ZNF280D: variants seen among roughly 807,000 people sequenced by gnomAD.
The protein encoded by ZNF280D is suppressor of hairy wing homolog 4.
Under a neutral mutation model 94.7 loss-of-function variants are expected in ZNF280D, and 39 were observed. The ratio of observed to expected loss-of-function variants is 0.41; its 90% CI spans 0.32 to 0.54. The LOEUF (loss-of-function observed/expected upper bound fraction) is 0.54. ZNF280D is among the 20% of genes least tolerant of loss of function. The pLI is 0.22. For missense variants in ZNF280D, 1,090 were observed against 1,149.3 expected, an observed-to-expected ratio of 0.95 and a Z score of 0.75; for synonymous variants, 398 against 377.6, an observed-to-expected ratio of 1.05 and a Z score of -0.63.
At chr15:56,669,914 T>TA (rs1491162228) in intron 13 of ZNF280D, among the ~76,000 whole-genome samples, 1 of 2,678 alleles carries the variant, frequency 3.7e-4, no homozygotes, top group Non-Finnish European at 7.3e-4. Context: ...TATATATATA[T>TA]TATATATATA....
chr15:56,725,066 G>C (rs2058565316), intron 1 of ZNF280D: 1 of 290,160 alleles, frequency 3.4e-6, no homozygotes, highest in Admixed American at 4.2e-5. Context: ...AAAACCCCCA[G>C]GCCTCTCTCA....
At chr15:56,716,882 C>T (rs2141354860) in intron 1 of ZNF280D, among the ~76,000 whole-genome samples, 1 of 152,272 alleles carries the variant, frequency 6.6e-6, no homozygotes, top group East Asian at 1.9e-4. Context: ...GCATAATTCA[C>T]ACAATATCAT....
chr15:56,730,877 A>C (rs1191243270), intron 1 of ZNF280D, among the ~76,000 whole-genome samples: 2 of 152,212 alleles, frequency 1.3e-5, no homozygotes, highest in African/African-American at 2.4e-5. Flanking sequence ...ATATCACACC[A>C]CAAATGACTT....
intron 6 of ZNF280D, among the ~76,000 whole-genome samples, chr15:56,697,335 C>A (rs1309445849): frequency 1.3e-5 from 2 of 152,290 alleles, no homozygotes; most frequent in African/African-American, 2.4e-5. Flanking sequence ...CAGGCGCCCA[C>A]CACCATGCCC....
chr15:56,676,290 C>A (rs1400712026), intron 13 of ZNF280D, among the ~76,000 whole-genome samples: 1 of 151,392 alleles, frequency 6.6e-6, no homozygotes, highest in Admixed American at 6.6e-5. Context: ...AATCCTCAGT[C>A]TTTTCTTCCT....
At chr15:56,692,335 C>T (rs907669304) in intron 7 of ZNF280D, among the ~76,000 whole-genome samples, 6 of 151,796 alleles carry the variant, frequency 4.0e-5, no homozygotes, top group East Asian at 3.9e-4. Flanking sequence ...GTAAATTCTC[C>T]GCACTGATTT....
At chr15:56,669,760 G>T (rs1252038488) in intron 13 of ZNF280D, among the ~76,000 whole-genome samples, 27 of 133,786 alleles carry the variant, frequency 2.0e-4, no homozygotes, top group African/African-American at 7.1e-4. Context: ...AAAATGCTAA[G>T]GCACTTCCCC....
At chr15:56,700,081 C>T in intron 6 of ZNF280D, 1 of 467,822 alleles carries the variant, frequency 2.1e-6, no homozygotes, top group Non-Finnish European at 2.8e-6. Context: ...ACTGTTGACC[C>T]TCAAACCTCT....
chr15:56,710,955 T>C (rs941511173), intron 1 of ZNF280D, among the ~76,000 whole-genome samples: 1 of 152,218 alleles, frequency 6.6e-6, no homozygotes, highest in Admixed American at 6.5e-5. Context: ...AACCAAGTCA[T>C]AGTACCAGCA....
At chr15:56,700,860 T>C (rs761400541) in intron 6 of ZNF280D, 73 bp downstream of exon 6, 1 of 1,611,826 alleles carries the variant, frequency 6.2e-7, no homozygotes, top group Non-Finnish European at 8.5e-7. Flanking sequence ...GAATTGTAAC[T>C]GGGTACTGTT....
chr15:56,662,628 C>T (rs2054018422), intron 16 of ZNF280D, among the ~76,000 whole-genome samples: 1 of 151,946 alleles, frequency 6.6e-6, no homozygotes, highest in African/African-American at 2.4e-5. Flanking sequence ...AGTTTGAGAC[C>T]AGCCTGGACA....
At position 56,693,149 on chromosome 15, in the gene ZNF280D, G is replaced by C; in HGVS notation, c.448C>G (p.Gln150Glu). The change falls in exon 7 of 22, where the codon CAG becomes GAG. Residue 150 changes from glutamine (Q) to glutamate (E), a missense_variant. By Grantham distance (29) the Gln-to-Glu change is conservative. Coordinates refer to ENST00000267807, the MANE Select transcript of ZNF280D (RefSeq NM_017661.4). ...TGGTAATGTGATAATCCTGTATCCTGGGTCAAGTCAAACAGTAACTCTGAT... is the reference window on the plus strand; with the variant it reads ...TGGTAATGTGATAATCCTGTATCCTCGGTCAAGTCAAACAGTAACTCTGAT... The part of the protein sequence containing the change: ...KSSELLFDLT[Q>E]DTGLSHYQGG... 1 of 1,605,544 alleles carries C rather than the reference G, an allele frequency of 6.2e-7. No homozygotes were observed. The highest frequency in any genetic ancestry group is 1.3e-5 in the African/African-American group (1 of 74,752).
intron 13 of ZNF280D, among the ~76,000 whole-genome samples, chr15:56,674,353 T>A (rs1259381920): frequency 2.6e-5 from 4 of 152,072 alleles, no homozygotes; most frequent in Non-Finnish European, 5.9e-5. Context: ...TACTTTTTTT[T>A]TATAACATTA....
intron 21 of ZNF280D, chr15:56,633,924 A>T (rs1344773703): frequency 6.6e-6 from 1 of 152,166 alleles, no homozygotes; most frequent in Non-Finnish European, 1.5e-5. Flanking sequence ...TCATAATTTA[A>T]TTTGTAAAAT....
rs1214532063 is a variant in ZNF280D at position 56,631,594 on chromosome 15, T to C, written c.2844A>G (p.Glu948=). ...GSGDPSAKTD[E]VVSDQTDDIP... ...TGTCATCTGTTTGATCAGACACTAC[T>C]TCATCAGTCTTGGCTGAAGGATCAC... Residue 948 remains glutamate, a synonymous_variant, in exon 22 of 22, where the codon GAA becomes GAG. Transcript: ENST00000267807. 6.2e-7 allele frequency: 1 copy of C among 1,614,148 alleles called. No individual in the cohort carries two copies. Among genetic ancestry groups the C allele is most frequent in the Non-Finnish European group, 8.5e-7 (1 of 1,180,014 alleles).
chr15:56,729,456 C>T (rs1293190432), intron 1 of ZNF280D, among the ~76,000 whole-genome samples: 2 of 152,144 alleles, frequency 1.3e-5, no homozygotes, highest in Admixed American at 1.3e-4. Context: ...AAAACTATAC[C>T]TACTCTTCTC....
chr15:56,666,415 G>A lies in ZNF280D; in HGVS notation c.1974C>T (p.Ala658=). 2 of 1,608,518 alleles carry A rather than the reference G, an allele frequency of 1.2e-6. No individual in the cohort carries two copies. Among genetic ancestry groups the A allele is most frequent in the Non-Finnish European group, 1.7e-6 (2 of 1,178,290 alleles). ...CTTACCTCATCATATGATTTACATA[G>A]GCTTTGCTACAGCTAGTGTTGTATC... ...FCRYNTSCSK[A]YVNHMMSFHS... Residue 658 remains alanine, a synonymous_variant, in exon 16 of 22, where the codon GCC becomes GCT. Transcript: ENST00000267807.
intron 17 of ZNF280D, among the ~76,000 whole-genome samples, chr15:56,655,406 C>G (rs759315461): frequency 6.7e-6 from 1 of 150,156 alleles, no homozygotes; most frequent in Non-Finnish European, 1.5e-5. Flanking sequence ...CGGGGTTTCA[C>G]CATGTTGGTC....
At chr15:56,634,735 A>C (rs1203819089) in intron 21 of ZNF280D, among the ~76,000 whole-genome samples, 1 of 152,166 alleles carries the variant, frequency 6.6e-6, no homozygotes, top group Non-Finnish European at 1.5e-5. Flanking sequence ...ATTCTACCAA[A>C]GTATGAAAAT....
Sources: allele counts gnomAD v4.1 joint callset (sites outside exome capture counted in the v4.1 genomes callset), GRCh38; gene constraint gnomAD v4.1.1; transcripts MANE v1.5; gene names NCBI Gene and HGNC (gene_info 2026-07-23, HGNC 2026-07-21).